The following FRRS1 variants were observed in gnomAD, a reference collection of about 807,000 sequenced individuals.
FRRS1 encodes the protein ferric reductase 1.
FRRS1 carries 51 observed loss-of-function variants against 70.7 expected under a neutral mutation model. The ratio of observed to expected loss-of-function variants is 0.72; its 90% CI spans 0.58 to 0.91. The LOEUF (loss-of-function observed/expected upper bound fraction) is 0.91, where lower values mean the gene tolerates loss of function less well. FRRS1 is among the 40% of genes least tolerant of loss of function. The pLI is 0.00. For synonymous variants in FRRS1, 225 were observed against 238.7 expected, an observed-to-expected ratio of 0.94 and a Z score of 0.53; for missense variants, 672 against 726.0, an observed-to-expected ratio of 0.93 and a Z score of 0.86.
chr1:99,713,492 A>G (rs541601211), intron 12 of FRRS1, among the ~76,000 whole-genome samples: 1 of 152,342 alleles, frequency 6.6e-6, no homozygotes, highest in South Asian at 2.1e-4. Flanking sequence ...AACTACCTAA[A>G]AGGCAGGAGG....
intron 1 of FRRS1, chr1:99,765,766 T>TG: frequency 6.6e-6 from 1 of 150,776 alleles, no homozygotes; most frequent in Admixed American, 6.6e-5. Context: ...CCGGGCGTGG[T>TG]GGCGGGCGCC....
chr1:99,742,863 T>G (rs2100970938), intron 4 of FRRS1, among the ~76,000 whole-genome samples: 1 of 152,334 alleles, frequency 6.6e-6, no homozygotes, highest in South Asian at 2.1e-4. Context: ...TATCACACGG[T>G]TCTACTTATG....
chr1:99,745,027 A>T (rs1483431670), intron 4 of FRRS1, among the ~76,000 whole-genome samples: 1 of 151,738 alleles, frequency 6.6e-6, no homozygotes. Context: ...CATTGAGGAG[A>T]AAGTGTATCT....
intron 11 of FRRS1, among the ~76,000 whole-genome samples, chr1:99,716,819 G>C (rs1209326477): frequency 6.6e-6 from 1 of 152,138 alleles, no homozygotes; most frequent in Non-Finnish European, 1.5e-5. Context: ...TTGTTTTGAA[G>C]GATACTCATT....
At chr1:99,712,247 C>T in intron 13 of FRRS1, 84 bp from the exon 14 acceptor site, 1 of 1,036,942 alleles carries the variant, frequency 9.6e-7, no homozygotes. Context: ...ATGTAATTTC[C>T]TTATTGTCTG....
rs533238294 is a variant in FRRS1 at position 99,754,752 on chromosome 1, GCTTAA to G, written c.-105-5756_-105-5752del. The stretch of plus-strand genomic sequence containing the variant: ...ATTCGTGGGATGCCGCAAAAGCAGT[GCTTAA>G]CGGGAAATTTACAGCATTAAACACA... On this transcript the variant is annotated intron_variant, in intron 1 of 16. Coordinates refer to ENST00000646001, the MANE Select transcript of FRRS1 (RefSeq NM_001361041.2). Among the ~76,000 whole-genome samples the G allele has an allele frequency of 4.1e-4, 63 of 152,322 alleles. No homozygotes were observed. In the South Asian group the frequency reaches 5.0e-3, roughly 12 times the overall value.
intron 11 of FRRS1, among the ~76,000 whole-genome samples, chr1:99,716,130 T>C (rs1379559192): frequency 1.3e-5 from 2 of 152,240 alleles, no homozygotes; most frequent in Admixed American, 6.5e-5. Flanking sequence ...ATGTGAACTA[T>C]ATAATTCATG....
At chr1:99,711,918 T>G (rs1654290053) in intron 14 of FRRS1, among the ~76,000 whole-genome samples, 187 bp downstream of exon 14, 2 of 152,254 alleles carry the variant, frequency 1.3e-5, no homozygotes, top group South Asian at 4.1e-4. Flanking sequence ...AACTTAAAAC[T>G]GAAATAATGA....
In FRRS1 at chr1:99,709,003, T is replaced by A. The variant is rs777097398; in HGVS notation, c.*25A>T. The A allele has an allele frequency of 6.2e-7, 1 of 1,614,032 alleles. No individual in the cohort carries two copies. The highest frequency in any genetic ancestry group is 1.1e-5 in the South Asian group (1 of 91,078). On this transcript the variant is annotated 3_prime_UTR_variant, in exon 17 of 17. Coordinates refer to ENST00000646001, the MANE Select transcript of FRRS1 (RefSeq NM_001361041.2). ...GTTTGATGATAATTATCACTTGGCC[T>A]GCAAAAGCCAAGGTCTTTGCTTGCT...
chr1:99,731,559 T>G (rs1278527972), intron 7 of FRRS1, among the ~76,000 whole-genome samples: 1 of 152,176 alleles, frequency 6.6e-6, no homozygotes, highest in African/African-American at 2.4e-5. Context: ...AACCTAAAGC[T>G]TGTTTCTATA....
At chr1:99,717,362 A>G in intron 11 of FRRS1, 48 bp downstream of exon 11, 1 of 1,152,914 alleles carries the variant, frequency 8.7e-7, no homozygotes, top group Non-Finnish European at 1.3e-6. Context: ...TCATGTTGCA[A>G]TGTTCAAATA....
chr1:99,756,800 T>C (rs993812789), intron 1 of FRRS1, among the ~76,000 whole-genome samples: 1 of 152,210 alleles, frequency 6.6e-6, no homozygotes, highest in Non-Finnish European at 1.5e-5. Flanking sequence ...TCTAGTTATA[T>C]TGCATTCAAG....
At position 99,707,242 on chromosome 1, in the gene FRRS1, A is replaced by G. The variant is rs1390040828; in HGVS notation, c.*1786T>C. Among the ~76,000 whole-genome samples, 1 of 151,954 alleles carries G rather than the reference A, an allele frequency of 6.6e-6. No homozygotes were observed. Among genetic ancestry groups the G allele is most frequent in the Non-Finnish European group, 1.5e-5 (1 of 67,992 alleles). On this transcript the variant is annotated 3_prime_UTR_variant, in exon 17 of 17. Transcript: ENST00000646001. The stretch of plus-strand genomic sequence containing the variant: ...AAGTAAATTCAAAAAATAAAAATAT[A>G]AAAAAGAAATAATGAGAAAATTTTT...
At chr1:99,750,187 TG>T (rs1356706567) in intron 1 of FRRS1, among the ~76,000 whole-genome samples, 13 of 152,266 alleles carry the variant, frequency 8.5e-5, no homozygotes, top group African/African-American at 3.1e-4. Context: ...GAAGCGGTTG[TG>T]AAGTTCACAC....
At chr1:99,763,112 G>A (rs942525719) in intron 1 of FRRS1, among the ~76,000 whole-genome samples, 3 of 152,060 alleles carry the variant, frequency 2.0e-5, no homozygotes, top group South Asian at 2.1e-4. Flanking sequence ...AAAGGCACTC[G>A]ACATTTAATA....
rs778728280 is a variant in FRRS1 at position 99,748,781 on chromosome 1, G to C, written c.1-13C>G. 6 of 1,601,648 alleles carry C rather than the reference G, an allele frequency of 3.7e-6. No homozygotes were observed. The Admixed American group carries it at 5.1e-5, about 14-fold the overall frequency. ...CAGAAACTGCCATCTCAAAAAGAAG[G>C]GTAAAAGCCCATTATTGTCATATAT... On this transcript the variant is annotated splice_polypyrimidine_tract_variant and intron_variant, in intron 2 of 16. Coordinates refer to ENST00000646001, the MANE Select transcript of FRRS1 (RefSeq NM_001361041.2).
chr1:99,746,074 A>T (rs573692188), intron 4 of FRRS1, among the ~76,000 whole-genome samples: 1 of 152,328 alleles, frequency 6.6e-6, no homozygotes, highest in South Asian at 2.1e-4. Flanking sequence ...TTGTTAAATT[A>T]CCTAGTCTTA....
intron 1 of FRRS1, among the ~76,000 whole-genome samples, chr1:99,765,997 G>A (rs559770971): frequency 6.6e-6 from 1 of 152,150 alleles, no homozygotes; most frequent in East Asian, 1.9e-4. Context: ...GCTATGTTAA[G>A]AAATATTCCT....
Position 99,747,274 on chromosome 1 carries a change from G to A in FRRS1, c.333+20C>T. The A allele has an allele frequency of 1.2e-6, 2 of 1,602,416 alleles. No homozygotes were observed. The highest frequency in any genetic ancestry group is 8.5e-7 in the Non-Finnish European group (1 of 1,174,026). ...ACCTGTAACCTCCACATTGTTCAAG[G>A]ATCAACTCTAAACACAAACCTGTAT... On this transcript the variant is annotated intron_variant, in intron 4 of 16. Transcript: ENST00000646001.
Sources: gnomAD v4.1 joint callset for allele counts (sites outside exome capture counted in the v4.1 genomes callset) on GRCh38, gnomAD v4.1.1 for gene constraint, MANE v1.5 for transcripts, NCBI Gene and HGNC (gene_info 2026-07-23, HGNC 2026-07-21) for gene names.